NALF1: variants seen among roughly 807,000 people sequenced by gnomAD.
NALF1 encodes family with sequence similarity 155 member A.
In NALF1, 3 loss-of-function variants were observed where a neutral mutation model predicts 48.4. The ratio of observed to expected loss-of-function variants is 0.06; its 90% CI spans 0.03 to 0.16. The LOEUF (loss-of-function observed/expected upper bound fraction) is 0.16, where lower values mean the gene tolerates loss of function less well. Among genes scored for constraint, NALF1 ranks in the 10% least tolerant of loss-of-function variants. The probability of loss-of-function intolerance (pLI) is 1.00; values close to 1 mark genes in which losing one functional copy is unlikely to be tolerated. For synonymous variants in NALF1, 262 were observed against 245.7 expected, an observed-to-expected ratio of 1.07 and a Z score of -0.62; for missense variants, 526 against 571.5, an observed-to-expected ratio of 0.92 and a Z score of 0.81.
chr13:107,477,914 A>G (rs560095635), intron 1 of NALF1, among the ~76,000 whole-genome samples: 11 of 152,194 alleles, frequency 7.2e-5, no homozygotes, highest in African/African-American at 2.6e-4. Context: ...CCCAGTCCTT[A>G]TAGGAGGGTA....
At chr13:107,574,873 A>G (rs1365812996) in intron 1 of NALF1, among the ~76,000 whole-genome samples, 1 of 152,226 alleles carries the variant, frequency 6.6e-6, no homozygotes, top group African/African-American at 2.4e-5. Context: ...AAAAGAAAGT[A>G]TATACAATCT....
At chr13:107,664,027 A>G (rs1880796282) in intron 1 of NALF1, among the ~76,000 whole-genome samples, 1 of 152,138 alleles carries the variant, frequency 6.6e-6, no homozygotes. Context: ...AATCTCCACC[A>G]TAGTCCAAGC....
At chr13:107,862,494 A>G (rs1394191197) in intron 1 of NALF1, among the ~76,000 whole-genome samples, 5 of 152,036 alleles carry the variant, frequency 3.3e-5, no homozygotes, top group Non-Finnish European at 7.4e-5. Flanking sequence ...AGTATTTACT[A>G]CTCAATTTAT....
chr13:107,848,538 T>A (rs1594312383), intron 1 of NALF1, among the ~76,000 whole-genome samples: 1 of 152,218 alleles, frequency 6.6e-6, no homozygotes, highest in African/African-American at 2.4e-5. Flanking sequence ...GCTTTAATTA[T>A]TTGGACAGCT....
chr13:107,417,525 G>GA, intron 1 of NALF1, among the ~76,000 whole-genome samples: 1 of 151,984 alleles, frequency 6.6e-6, no homozygotes, highest in African/African-American at 2.4e-5. Flanking sequence ...ATATTTAATT[G>GA]TCTCAATATG....
In NALF1 at chr13:107,501,504, G is replaced by A. The variant is rs185693669; in HGVS notation, c.916-290749C>T. Among the ~76,000 whole-genome samples, 10 of 152,224 alleles carry A rather than the reference G, an allele frequency of 6.6e-5. No individual in the cohort carries two copies. In the East Asian group the frequency reaches 1.7e-3, roughly 26 times the overall value. On this transcript the variant is annotated intron_variant, in intron 1 of 2. Transcript: ENST00000375915. ...TTGAACAATGACTCAATAAACAGAA[G>A]TTTTTAAAGAGAAGATCTGCTTTCA... is the stretch of plus-strand genomic sequence containing the variant.
chr13:107,583,429 G>C (rs1057266533), intron 1 of NALF1, among the ~76,000 whole-genome samples: 2 of 152,110 alleles, frequency 1.3e-5, no homozygotes, highest in African/African-American at 4.8e-5. Context: ...TGGTAAAAGA[G>C]GCATGACCTC....
chr13:107,807,382 A>G (rs897151668), intron 1 of NALF1, among the ~76,000 whole-genome samples: 2 of 152,170 alleles, frequency 1.3e-5, no homozygotes, highest in Non-Finnish European at 2.9e-5. Flanking sequence ...AAGGCTTAAC[A>G]CTTCAAATAG....
At chr13:107,754,915 C>T (rs1400718833) in intron 1 of NALF1, among the ~76,000 whole-genome samples, 1 of 152,276 alleles carries the variant, frequency 6.6e-6, no homozygotes, top group East Asian at 1.9e-4. Context: ...ATGTTTAAAA[C>T]TTCTTTTCAT....
At chr13:107,826,235 C>A (rs1425546194) in intron 1 of NALF1, among the ~76,000 whole-genome samples, 1 of 152,190 alleles carries the variant, frequency 6.6e-6, no homozygotes, top group Non-Finnish European at 1.5e-5. Flanking sequence ...AGTGGTCTTT[C>A]TGAGTTAGTC....
intron 1 of NALF1, among the ~76,000 whole-genome samples, chr13:107,774,385 A>T (rs1368421619): frequency 6.6e-6 from 1 of 152,232 alleles, no homozygotes; most frequent in Non-Finnish European, 1.5e-5. Context: ...CAATTTGAAT[A>T]TGATTTTGTT....
At chr13:107,662,995 C>T (rs1312917583) in intron 1 of NALF1, among the ~76,000 whole-genome samples, 1 of 152,008 alleles carries the variant, frequency 6.6e-6, no homozygotes, top group Non-Finnish European at 1.5e-5. Context: ...TTTAATGTGT[C>T]TACTATCTCA....
rs140765034 is a variant in NALF1, at chr13:107,165,525, G to T, written c.*4972C>A. 31 of 152,274 alleles carry T rather than the reference G, an allele frequency of 2.0e-4. No homozygotes were observed. In the East Asian group the frequency reaches 5.4e-3, roughly 27 times the overall value. 9.4% of individuals were successfully genotyped at this position (152,274 alleles called of 1,614,324 possible). ...TGTCTGTGGTAAACATAGCCCTGAAGTACAGTATCTCAAGAATAAAAACCA... is the reference window on the plus strand; with the variant it reads ...TGTCTGTGGTAAACATAGCCCTGAATTACAGTATCTCAAGAATAAAAACCA... On this transcript the variant is annotated 3_prime_UTR_variant, in exon 3 of 3. Coordinates refer to ENST00000375915, the MANE Select transcript of NALF1 (RefSeq NM_001080396.3).
At chr13:107,549,483 C>T (rs369233219) in intron 1 of NALF1, among the ~76,000 whole-genome samples, 2 of 152,252 alleles carry the variant, frequency 1.3e-5, no homozygotes. Context: ...ATACAAATTT[C>T]AGTCTTTAAT....
rs116356273 is a variant in NALF1, at chr13:107,240,107, T to C, written c.916-29352A>G. On this transcript the variant is annotated intron_variant, in intron 1 of 2. Transcript: ENST00000375915. ...TAATTGTGTTATGGGCTGGATTGTA[T>C]GCCTACAAAGTTGATATGCTGAAGC... Among the ~76,000 whole-genome samples the C allele has an allele frequency of 6.6e-3, 1,007 of 152,320 alleles. 12 individuals carry two copies. The highest frequency in any genetic ancestry group is 0.023 in the African/African-American group (962 of 41,562).
chr13:107,511,489 A>G (rs1875890680), intron 1 of NALF1, among the ~76,000 whole-genome samples: 1 of 152,192 alleles, frequency 6.6e-6, no homozygotes, highest in Admixed American at 6.6e-5. Flanking sequence ...AATACTTCAT[A>G]AATTCCCAAA....
At chr13:107,442,406 C>T (rs35639883) in intron 1 of NALF1, among the ~76,000 whole-genome samples, 17,744 of 152,254 alleles carry the variant, frequency 0.12, 1,154 homozygotes, top group Middle Eastern at 0.18. Context: ...TTTGCCAATT[C>T]ACTTGGCTCT....
At chr13:107,568,275 G>T (rs181015902) in intron 1 of NALF1, among the ~76,000 whole-genome samples, 1 of 152,142 alleles carries the variant, frequency 6.6e-6, no homozygotes, top group Admixed American at 6.6e-5. Flanking sequence ...GCCACCATAC[G>T]CAGCCTTGTT....
chr13:107,654,740 A>G (rs1318937634), intron 1 of NALF1, among the ~76,000 whole-genome samples: 1 of 152,104 alleles, frequency 6.6e-6, no homozygotes, highest in Non-Finnish European at 1.5e-5. Context: ...ATAGATGTAA[A>G]AATCCTCAAT....
Sources: allele counts gnomAD v4.1 joint callset (sites outside exome capture counted in the v4.1 genomes callset), GRCh38; gene constraint gnomAD v4.1.1; transcripts MANE v1.5; gene names NCBI Gene and HGNC (gene_info 2026-07-23, HGNC 2026-07-21).